IPPK: variants seen among roughly 807,000 people sequenced by gnomAD.
IPPK encodes the protein inositol-pentakisphosphate 2-kinase.
IPPK carries 22 observed loss-of-function variants against 64.6 expected under a neutral mutation model. The observed-to-expected ratio is 0.34, with a 90% CI of 0.24 to 0.49. IPPK has a LOEUF of 0.49. IPPK is among the 20% of genes least tolerant of loss of function. The pLI, the probability that IPPK is intolerant of heterozygous loss-of-function variation, is 0.99. For synonymous variants in IPPK, 262 were observed against 247.2 expected, an observed-to-expected ratio of 1.06 and a Z score of -0.56; for missense variants, 532 against 630.7, an observed-to-expected ratio of 0.84 and a Z score of 1.68.
At chr9:92,663,961 T>A (rs562304612) in intron 1 of IPPK, among the ~76,000 whole-genome samples, 177 of 152,362 alleles carry the variant, frequency 1.2e-3, no homozygotes, top group African/African-American at 4.0e-3. Flanking sequence ...CAGCTCCAGC[T>A]TCTTCCGAAT....
At chr9:92,664,178 G>A (rs1852546466) in intron 1 of IPPK, among the ~76,000 whole-genome samples, 1 of 152,258 alleles carries the variant, frequency 6.6e-6, no homozygotes, top group Non-Finnish European at 1.5e-5. Context: ...GGATGTCCAG[G>A]ATGCGTAGGA....
chr9:92,658,756 C>G, intron 1 of IPPK, 75 bp from the exon 2 acceptor site: 1 of 1,356,880 alleles, frequency 7.4e-7, no homozygotes. Flanking sequence ...GTTTGGGGGT[C>G]CCATCCTCAG....
chr9:92,629,524 G>A (rs1851794695), intron 11 of IPPK, among the ~76,000 whole-genome samples: 1 of 152,026 alleles, frequency 6.6e-6, no homozygotes, highest in African/African-American at 2.4e-5. Context: ...GGCCGAGGTG[G>A]GTGGATCACT....
rs766372470 is a variant in IPPK, at chr9:92,649,434, C to A, written c.414+19G>T. 3.7e-6 allele frequency: 6 copies of A among 1,613,708 alleles called. No homozygotes were observed. The Admixed American group carries it at 6.7e-5, about 18-fold the overall frequency. ...GACCTTTCCCCTTTACCCACACCAT[C>A]TGCCCCTCGACAGGTCACCTTAATC... On this transcript the variant is annotated intron_variant, in intron 5 of 12. Coordinates refer to ENST00000287996, the MANE Select transcript of IPPK (RefSeq NM_022755.6).
chr9:92,648,648 C>T (rs950092995), intron 5 of IPPK, among the ~76,000 whole-genome samples: 7 of 152,198 alleles, frequency 4.6e-5, no homozygotes, highest in African/African-American at 1.7e-4. Flanking sequence ...TGCTGAGCCT[C>T]GGGCACTGGA....
chr9:92,631,193 ATTT>A (rs61202690), intron 11 of IPPK, among the ~76,000 whole-genome samples: 2 of 131,228 alleles, frequency 1.5e-5, no homozygotes, highest in Admixed American at 7.9e-5. Context: ...ACACAGTTCA[ATTT>A]TTTTTTTTTT....
chr9:92,651,079 G>A (rs1418167544), intron 4 of IPPK, among the ~76,000 whole-genome samples: 1 of 152,114 alleles, frequency 6.6e-6, no homozygotes, highest in Non-Finnish European at 1.5e-5. Flanking sequence ...TTCACCGAGA[G>A]GAAGAACTGG....
chr9:92,667,467 TTCAGGTTACCACA>T (rs1313567112), intron 1 of IPPK, among the ~76,000 whole-genome samples: 3 of 152,180 alleles, frequency 2.0e-5, no homozygotes, highest in Admixed American at 2.0e-4. Flanking sequence ...CTAGGCTTGG[TTCAGGTTACCACA>T]TCAGGCACAG....
At position 92,628,394 on chromosome 9, in the gene IPPK, A is replaced by G. The variant is rs557376460; in HGVS notation, c.1170+5992T>C. Among the ~76,000 whole-genome samples the G allele has an allele frequency of 2.0e-5, 3 of 152,372 alleles. No individual in the cohort carries two copies. The East Asian group carries it at 5.8e-4, about 29-fold the overall frequency. ...TCTTGAAAACAAAGACCAAAGTTAGAGAACTCACACTTCTCCATTTCAAAA... is the reference window on the plus strand; with the variant it reads ...TCTTGAAAACAAAGACCAAAGTTAGGGAACTCACACTTCTCCATTTCAAAA... On this transcript the variant is annotated intron_variant, in intron 11 of 12. Transcript: ENST00000287996.
intron 3 of IPPK, among the ~76,000 whole-genome samples, chr9:92,654,510 G>A (rs2131455462): frequency 6.6e-6 from 1 of 152,262 alleles, no homozygotes; most frequent in South Asian, 2.1e-4. Flanking sequence ...GACAGAGCAA[G>A]ATAAAAAACA....
Position 92,650,520 on chromosome 9 carries a change from A to G in IPPK, c.293-946T>C, listed in dbSNP as rs189392791. 3.2e-3 allele frequency among the ~76,000 whole-genome samples: 488 copies of G among 152,120 alleles called. 1 individual carries two copies. Among genetic ancestry groups the G allele is most frequent in the Admixed American group, 8.4e-3 (129 of 15,272 alleles). On this transcript the variant is annotated intron_variant, in intron 4 of 12. Transcript: ENST00000287996. ...ATGCCTGGTGAGCTTCCTGGTGGGC[A>G]CACTCCATATGGGAGAGTGAATACT...
chr9:92,664,622 A>G lies in IPPK; in HGVS notation c.81+5286T>C, dbSNP rs563065841. ...GTGCATGGGGCTGACCCCTATAGGC[A>G]TGGAAAGCCTCACTGCCTGTAAAGG... On this transcript the variant is annotated intron_variant, in intron 1 of 12. Transcript: ENST00000287996. Among the ~76,000 whole-genome samples the G allele has an allele frequency of 5.9e-5, 9 of 152,284 alleles. No homozygotes were observed. The East Asian group carries it at 1.7e-3, about 29-fold the overall frequency.
chr9:92,667,596 T>A (rs954530618), intron 1 of IPPK, among the ~76,000 whole-genome samples: 3 of 152,184 alleles, frequency 2.0e-5, no homozygotes, highest in African/African-American at 7.2e-5. Context: ...CAAGCAGGAA[T>A]GAGCACAGTA....
chr9:92,616,132 T>C, intron 12 of IPPK, 75 bp from the exon 13 acceptor site: 1 of 1,000,602 alleles, frequency 1.0e-6, no homozygotes, highest in Non-Finnish European at 1.5e-6. Flanking sequence ...TCTCTCCCTT[T>C]CTTCTTTCAA....
chr9:92,634,938 G>C (rs944603017), intron 10 of IPPK, among the ~76,000 whole-genome samples: 8 of 152,260 alleles, frequency 5.3e-5, no homozygotes, highest in Admixed American at 2.6e-4. Context: ...CAAGGTCACA[G>C]ACGTGCTTTC....
intron 1 of IPPK, among the ~76,000 whole-genome samples, chr9:92,661,191 C>A (rs924820108): frequency 7.9e-5 from 12 of 152,238 alleles, no homozygotes; most frequent in Non-Finnish European, 1.2e-4. Flanking sequence ...GGAAGTGAGA[C>A]TGCACAAGGG....
chr9:92,649,632 C>A, intron 4 of IPPK, 58 bp from the exon 5 acceptor site: 1 of 1,602,194 alleles, frequency 6.2e-7, no homozygotes, highest in Non-Finnish European at 8.5e-7. Flanking sequence ...TGAGATGATC[C>A]CTGCCCAAAA....
rs768185083 is a variant in IPPK at position 92,669,897 on chromosome 9, C to A, written c.81+11G>T. ...GAGGTACCGGACCTGCGCCGCACGTCCACCGCTCACCTGCGCGTGGGCCAC... is the reference window on the plus strand; with the variant it reads ...GAGGTACCGGACCTGCGCCGCACGTACACCGCTCACCTGCGCGTGGGCCAC... On this transcript the variant is annotated intron_variant, in intron 1 of 12. Coordinates refer to ENST00000287996, the MANE Select transcript of IPPK (RefSeq NM_022755.6). 7 of 1,606,376 alleles carry A rather than the reference C, an allele frequency of 4.4e-6. No individual in the cohort carries two copies. Among genetic ancestry groups the A allele is most frequent in the Non-Finnish European group, 6.0e-6 (7 of 1,174,638 alleles).
chr9:92,641,298 C>A (rs946339990), intron 7 of IPPK, among the ~76,000 whole-genome samples: 1 of 152,204 alleles, frequency 6.6e-6, no homozygotes, highest in Non-Finnish European at 1.5e-5. Context: ...TCCCCTACCC[C>A]CAACGGAGGA....
Sources: allele counts gnomAD v4.1 joint callset (sites outside exome capture counted in the v4.1 genomes callset), GRCh38; gene constraint gnomAD v4.1.1; transcripts MANE v1.5; gene names NCBI Gene and HGNC (gene_info 2026-07-23, HGNC 2026-07-21).